Variants in TRDN observed in about 807,000 individuals in gnomAD.
The protein encoded by TRDN is triadin, also known as triadin in skeletal muscle.
A neutral mutation model predicts 149.7 loss-of-function variants in TRDN; 161 were observed. The ratio of observed to expected loss-of-function variants is 1.08; its 90% CI spans 0.95 to 1.23. The LOEUF (loss-of-function observed/expected upper bound fraction) is 1.23. TRDN is among the 50% of genes most tolerant of loss of function. The pLI is 0.00. For missense variants in TRDN, 896 were observed against 823.5 expected, an observed-to-expected ratio of 1.09 and a Z score of -1.08; for synonymous variants, 294 against 250.5, an observed-to-expected ratio of 1.17 and a Z score of -1.64.
chr6:123,246,479 C>T (rs1456523155), intron 38 of TRDN, among the ~76,000 whole-genome samples: 2 of 152,022 alleles, frequency 1.3e-5, no homozygotes, highest in Non-Finnish European at 2.9e-5. Context: ...ACTATGAAAT[C>T]TAGAAGAAAT....
intron 1 of TRDN, among the ~76,000 whole-genome samples, chr6:123,583,731 C>T (rs990849399): frequency 6.6e-6 from 1 of 152,048 alleles, no homozygotes; most frequent in African/African-American, 2.4e-5. Context: ...AGGACTCTAC[C>T]TATCCAGTGA....
chr6:123,580,698 A>G (rs1365899474), intron 1 of TRDN, among the ~76,000 whole-genome samples: 1 of 152,146 alleles, frequency 6.6e-6, no homozygotes, highest in East Asian at 1.9e-4. Context: ...TCACCAATCA[A>G]ATAGCTGTAA....
intron 1 of TRDN, among the ~76,000 whole-genome samples, chr6:123,579,910 G>T (rs1031702137): frequency 2.0e-5 from 3 of 152,148 alleles, no homozygotes; most frequent in Non-Finnish European, 2.9e-5. Flanking sequence ...TGAAAAGAAG[G>T]TGCCTTACTT....
chr6:123,608,233 G>A (rs1246540760), intron 1 of TRDN, among the ~76,000 whole-genome samples: 1 of 142,764 alleles, frequency 7.0e-6, no homozygotes, highest in Admixed American at 6.8e-5. Flanking sequence ...TAGTATCTCT[G>A]TACTTTAAGT....
At position 123,571,287 on chromosome 6, in the gene TRDN, G is replaced by A. The variant is rs1407220; in HGVS notation, c.23-155C>T. ...CAGGACAAAGCCTCCCTGCCCACTA[G>A]CACATTATCTTTTCCTCAGCATTTA... is the stretch of plus-strand genomic sequence containing the variant. On this transcript the variant is annotated intron_variant, in intron 1 of 40. Transcript: ENST00000334268. 0.78 allele frequency among the ~76,000 whole-genome samples: 118,482 copies of A among 152,142 alleles called. 46,438 individuals carry two copies. Among genetic ancestry groups the A allele is most frequent in the East Asian group, 0.94 (4,882 of 5,170 alleles).
chr6:123,352,338 C>G, intron 21 of TRDN: 1 of 984,990 alleles, frequency 1.0e-6, no homozygotes, highest in Non-Finnish European at 1.2e-6. Context: ...AACTGATATT[C>G]AAAGTTCAGT....
intron 38 of TRDN, among the ~76,000 whole-genome samples, chr6:123,243,313 A>G (rs911174821): frequency 1.3e-5 from 2 of 152,152 alleles, no homozygotes; most frequent in Non-Finnish European, 2.9e-5. Context: ...CACAGCCAAA[A>G]TCAAAGCAAC....
chr6:123,502,605 T>C, intron 8 of TRDN: 2 of 984,828 alleles, frequency 2.0e-6, no homozygotes, highest in Non-Finnish European at 2.4e-6. Context: ...GAAAATACAG[T>C]ACGAGTGCAT....
At chr6:123,615,099 T>G (rs780744317) in intron 1 of TRDN, among the ~76,000 whole-genome samples, 3 of 152,076 alleles carry the variant, frequency 2.0e-5, no homozygotes, top group Non-Finnish European at 4.4e-5. Context: ...AACACCATAA[T>G]GAGATATCTC....
intron 1 of TRDN, among the ~76,000 whole-genome samples, chr6:123,620,275 T>C (rs1785314503): frequency 6.6e-6 from 1 of 152,162 alleles, no homozygotes; most frequent in Admixed American, 6.6e-5. Context: ...CACTAGGCCA[T>C]ACTCTCCTCT....
intron 23 of TRDN, among the ~76,000 whole-genome samples, chr6:123,320,210 T>C (rs1426701114): frequency 7.0e-6 from 1 of 143,126 alleles, no homozygotes; most frequent in East Asian, 3.4e-4. Flanking sequence ...AATAAAATAA[T>C]AATCATTATT....
intron 16 of TRDN, among the ~76,000 whole-genome samples, chr6:123,379,729 T>C (rs1473905729): frequency 2.0e-5 from 3 of 152,226 alleles, no homozygotes; most frequent in Non-Finnish European, 4.4e-5. Flanking sequence ...TAAATATACA[T>C]TGATTTACCC....
In TRDN at chr6:123,216,415, A is replaced by T. The variant is rs1389605312; in HGVS notation, c.*2186T>A. The stretch of plus-strand genomic sequence containing the variant: ...GTTCAGATAATATTTTTAAAGTGCT[A>T]TGATCATTGTAACTTTAATCAGATA... On this transcript the variant is annotated 3_prime_UTR_variant, in exon 41 of 41. Coordinates refer to ENST00000334268, the MANE Select transcript of TRDN (RefSeq NM_006073.4). 1 of 151,998 alleles carries T rather than the reference A, an allele frequency of 6.6e-6. No homozygotes were observed. The highest frequency in any genetic ancestry group is 2.4e-5 in the African/African-American group (1 of 41,440). The allele number at this position is 151,998 out of a possible 1,614,324, so 9.4% of individuals were successfully genotyped here. A position where few individuals can be genotyped will look rare whatever the true frequency, so the allele number is the denominator to read the frequency against.
intron 24 of TRDN, among the ~76,000 whole-genome samples, chr6:123,291,101 G>T (rs1040970528): frequency 6.6e-6 from 1 of 152,036 alleles, no homozygotes; most frequent in African/African-American, 2.4e-5. Context: ...AGGTTTCAGT[G>T]AGCCGAGACT....
intron 10 of TRDN, chr6:123,464,389 AGT>A (rs920501587): frequency 1.4e-5 from 13 of 960,442 alleles, no homozygotes; most frequent in Non-Finnish European, 1.5e-5. Context: ...TGTGTGTGTG[AGT>A]GTGTGTGTAT....
chr6:123,217,303 T>C lies in TRDN; in HGVS notation c.*1298A>G, dbSNP rs1379126227. ...CGTAGTTAGTGGCAATCCTTGAAAA[T>C]AAATCACTTGGCTAGTATTGGCTCT... On this transcript the variant is annotated 3_prime_UTR_variant, in exon 41 of 41. Transcript: ENST00000334268. 1.3e-5 allele frequency: 2 copies of C among 152,016 alleles called. No homozygotes were observed. Among genetic ancestry groups the C allele is most frequent in the Non-Finnish European group, 2.9e-5 (2 of 67,958 alleles). The allele number at this position is 152,016 out of a possible 1,614,324, so 9.4% of individuals were successfully genotyped here. A position where few individuals can be genotyped will look rare whatever the true frequency, so the allele number is the denominator to read the frequency against.
chr6:123,472,877 G>A (rs2114741632), intron 9 of TRDN, among the ~76,000 whole-genome samples: 1 of 152,248 alleles, frequency 6.6e-6, no homozygotes, highest in East Asian at 1.9e-4. Flanking sequence ...ACCTGCAGCT[G>A]AGGGTCCTGT....
intron 10 of TRDN, chr6:123,462,607 C>T (rs1776515811): frequency 6.6e-6 from 1 of 152,128 alleles, no homozygotes; most frequent in South Asian, 2.1e-4. Flanking sequence ...TATGTACATT[C>T]TCCTACATTT....
intron 4 of TRDN, among the ~76,000 whole-genome samples, chr6:123,532,991 G>T (rs563448598): frequency 6.6e-6 from 1 of 151,888 alleles, no homozygotes; most frequent in Non-Finnish European, 1.5e-5. Flanking sequence ...TCGTCTCCAA[G>T]CCAACAGATG....
Sources: gnomAD v4.1 joint callset for allele counts (sites outside exome capture counted in the v4.1 genomes callset) on GRCh38, gnomAD v4.1.1 for gene constraint, MANE v1.5 for transcripts, NCBI Gene and HGNC (gene_info 2026-07-23, HGNC 2026-07-21) for gene names.